ENTREP2: variants seen among roughly 807,000 people sequenced by gnomAD.
ENTREP2 encodes the protein protein ENTREP2.
At chr15:29,462,853 T>C in the ENTREP2 span, among the ~76,000 whole-genome samples, 4 of 152,224 alleles carry the variant, frequency 2.6e-5, no homozygotes, top group South Asian at 8.3e-4. Context: ...GAGAACCCTC[T>C]ACAATAAAAT....
the ENTREP2 span, among the ~76,000 whole-genome samples, chr15:29,668,675 C>T: frequency 6.6e-6 from 1 of 152,144 alleles, no homozygotes; most frequent in Non-Finnish European, 1.5e-5. Context: ...ATGCTTTGTA[C>T]ATGCTGAACT....
the ENTREP2 span, among the ~76,000 whole-genome samples, chr15:29,561,711 A>AAAAT: frequency 5.2e-4 from 78 of 149,902 alleles, no homozygotes; most frequent in African/African-American, 1.5e-3. Context: ...TAATAATAAT[A>AAAAT]AAATAAATAA....
the ENTREP2 span, among the ~76,000 whole-genome samples, chr15:29,129,355 C>T: frequency 0.02 from 2,983 of 152,330 alleles, 38 homozygotes; most frequent in Non-Finnish European, 0.031. Context: ...TGTGAGCCAC[C>T]GCCCCTGGCC....
At chr15:29,158,953 A>T in the ENTREP2 span, among the ~76,000 whole-genome samples, 1 of 152,242 alleles carries the variant, frequency 6.6e-6, no homozygotes, top group Non-Finnish European at 1.5e-5. Context: ...TATTAATAAT[A>T]AGATTAACAG....
At chr15:29,423,256 A>G in the ENTREP2 span, among the ~76,000 whole-genome samples, 4 of 152,340 alleles carry the variant, frequency 2.6e-5, no homozygotes, top group African/African-American at 9.6e-5. Flanking sequence ...CATGTTAGTG[A>G]AAATGCTGGC....
the ENTREP2 span, among the ~76,000 whole-genome samples, chr15:29,458,122 C>G: frequency 6.6e-6 from 1 of 152,278 alleles, no homozygotes; most frequent in East Asian, 1.9e-4. Context: ...GGATAGCTAG[C>G]ATGTCGGTCA....
chr15:29,136,085 T>C, the ENTREP2 span, among the ~76,000 whole-genome samples: 1 of 152,226 alleles, frequency 6.6e-6, no homozygotes, highest in African/African-American at 2.4e-5. Context: ...GCACCAGCAC[T>C]GGGTTCCCCA....
chr15:29,356,292 ATATATTTTTTTTT>A, the ENTREP2 span, among the ~76,000 whole-genome samples: 48 of 59,378 alleles, frequency 8.1e-4, no homozygotes, highest in African/African-American at 3.2e-3. Flanking sequence ...ATATATATAT[ATATATTTTTTTTT>A]TTTTTTTTTT....
the ENTREP2 span, among the ~76,000 whole-genome samples, chr15:29,295,904 AG>A: frequency 4.6e-5 from 7 of 152,216 alleles, no homozygotes; most frequent in African/African-American, 1.7e-4. Context: ...GGTTGATCAA[AG>A]GTAACAGAAA....
the ENTREP2 span, chr15:29,611,193 C>T: frequency 3.9e-5 from 6 of 152,252 alleles, no homozygotes; most frequent in Admixed American, 3.9e-4. Context: ...CTAAACTCCC[C>T]CAGTCCCTAG....
At chr15:29,152,870 C>T in the ENTREP2 span, among the ~76,000 whole-genome samples, 2 of 152,166 alleles carry the variant, frequency 1.3e-5, no homozygotes, top group African/African-American at 4.8e-5. Flanking sequence ...GAAAAAATGC[C>T]TTCCAGAGTG....
the ENTREP2 span, among the ~76,000 whole-genome samples, chr15:29,207,022 C>T: frequency 6.6e-6 from 1 of 152,246 alleles, no homozygotes; most frequent in African/African-American, 2.4e-5. Flanking sequence ...TTGGATGACA[C>T]GGAGCCACTT....
At chr15:29,154,943 C>CG in the ENTREP2 span, among the ~76,000 whole-genome samples, 1 of 152,156 alleles carries the variant, frequency 6.6e-6, no homozygotes, top group African/African-American at 2.4e-5. Flanking sequence ...TATAGAACCC[C>CG]ATGCACATGT....
At chr15:29,464,533 C>T in the ENTREP2 span, among the ~76,000 whole-genome samples, 73,771 of 152,046 alleles carry the variant, frequency 0.49, 18,454 homozygotes, top group African/African-American at 0.62. Context: ...TGAGAGGGGA[C>T]TATCAGAGCA....
chr15:29,237,184 T>C, the ENTREP2 span, among the ~76,000 whole-genome samples: 1 of 152,214 alleles, frequency 6.6e-6, no homozygotes, highest in Non-Finnish European at 1.5e-5. Context: ...TTTGCCCATT[T>C]TCTAATTGGC....
chr15:29,644,363 T>C, the ENTREP2 span, among the ~76,000 whole-genome samples: 1 of 152,200 alleles, frequency 6.6e-6, no homozygotes, highest in East Asian at 1.9e-4. Context: ...CCTATGAATA[T>C]ATACTAAAGG....
At chr15:29,594,299 C>A in the ENTREP2 span, among the ~76,000 whole-genome samples, 1 of 152,134 alleles carries the variant, frequency 6.6e-6, no homozygotes, top group Non-Finnish European at 1.5e-5. Flanking sequence ...CCCTGCCAAT[C>A]CTGGCAGCCT....
the ENTREP2 span, among the ~76,000 whole-genome samples, chr15:29,637,904 T>C: frequency 6.6e-6 from 1 of 151,730 alleles, no homozygotes; most frequent in African/African-American, 2.4e-5. Context: ...TACAGCAAGC[T>C]ATTTCTTCAG....
chr15:29,669,796 T>C, the ENTREP2 span, among the ~76,000 whole-genome samples: 2 of 152,212 alleles, frequency 1.3e-5, no homozygotes, highest in African/African-American at 4.8e-5. Flanking sequence ...GCATCTTATT[T>C]GTTAATGACA....
Sources: gnomAD v4.1 joint callset for allele counts (sites outside exome capture counted in the v4.1 genomes callset) on GRCh38, gnomAD v4.1.1 for gene constraint, MANE v1.5 for transcripts, NCBI Gene and HGNC (gene_info 2026-07-23, HGNC 2026-07-21) for gene names.